The following MAP3K1 variants were observed in gnomAD, a reference collection of about 807,000 sequenced individuals.
MAP3K1 encodes mitogen-activated protein kinase kinase kinase 1.
A neutral mutation model predicts 144.2 loss-of-function variants in MAP3K1; 36 were observed. The observed-to-expected ratio is 0.25, with a 90% CI of 0.19 to 0.33. The LOEUF is 0.33. MAP3K1 is among the 10% of genes least tolerant of loss of function. The pLI is 1.00. For synonymous variants in MAP3K1, 718 were observed against 688.7 expected (o/e 1.04, Z -0.67); for missense variants, 1,650 against 1,881.9 (o/e 0.88, Z 2.28).
Position 56,872,698 on chromosome 5 carries a change from A to G in MAP3K1, c.1481A>G (p.Lys494Arg). ...EPLICPLCRSKWRSHDFYSHE... is the reference protein window; with the variant it reads ...EPLICPLCRSRWRSHDFYSHE... ...TTAATATGTCCCCTTTGTAGATCTA[A>G]GTGGAGATCTCATGATTTCTACAGG... Residue 494 changes from lysine to arginine, a missense_variant, in exon 8 of 20, where the codon AAG (lysine) becomes AGG (arginine). Transcript: ENST00000399503. The G allele has an allele frequency of 5.6e-6, 9 of 1,606,260 alleles. No individual in the cohort carries two copies. Among genetic ancestry groups the G allele is most frequent in the Non-Finnish European group, 7.7e-6 (9 of 1,173,132 alleles).
At chr5:56,887,356 C>T (rs560726907) in intron 17 of MAP3K1, 22 bp from the exon 18 acceptor site, 2 of 1,613,548 alleles carry the variant, frequency 1.2e-6, no homozygotes, top group South Asian at 1.1e-5. Context: ...CATACAAGGT[C>T]ATTTGCTGTG....
At chr5:56,845,251 G>A (rs1230380410) in intron 1 of MAP3K1, among the ~76,000 whole-genome samples, 2 of 152,182 alleles carry the variant, frequency 1.3e-5, no homozygotes, top group South Asian at 2.1e-4. Flanking sequence ...GCCCTGTTGA[G>A]TTGACCACTT....
chr5:56,880,502 G>A (rs1748171841), intron 11 of MAP3K1, among the ~76,000 whole-genome samples: 1 of 152,068 alleles, frequency 6.6e-6, no homozygotes, highest in South Asian at 2.1e-4. Context: ...GCTTAACATA[G>A]GGGATATGTT....
In MAP3K1 at chr5:56,895,859, T is replaced by C; in HGVS notation, c.*2179T>C. ...ACCTCAGGTGTCCTATAGATTTTTC[T>C]TCTACCAAAGTTCACTTTCACAATG... On this transcript the variant is annotated 3_prime_UTR_variant, in exon 20 of 20. Coordinates refer to ENST00000399503, the MANE Select transcript of MAP3K1 (RefSeq NM_005921.2). 4.3e-6 allele frequency: 1 copy of C among 231,338 alleles called. No individual in the cohort carries two copies. Among genetic ancestry groups the C allele is most frequent in the South Asian group, 1.8e-4 (1 of 5,514 alleles). 14.3% of individuals were successfully genotyped at this position (231,338 alleles called of 1,614,324 possible). A position where few individuals can be genotyped will look rare whatever the true frequency, so the allele number is the denominator to read the frequency against.
At chr5:56,882,946 G>A (rs771898455) in intron 14 of MAP3K1, 80 bp downstream of exon 14, 47 of 1,152,242 alleles carry the variant, frequency 4.1e-5, no homozygotes, top group Non-Finnish European at 5.6e-5. Context: ...TCCAGCACTT[G>A]GGGAGGCTGA....
intron 10 of MAP3K1, among the ~76,000 whole-genome samples, chr5:56,875,692 C>T (rs1748003493): frequency 6.7e-6 from 1 of 150,014 alleles, no homozygotes; most frequent in South Asian, 2.1e-4. Context: ...GCTGCTAAAG[C>T]CTAAAACAAA....
chr5:56,817,867 ATGT>A (rs1449865228), intron 1 of MAP3K1, among the ~76,000 whole-genome samples: 5 of 152,218 alleles, frequency 3.3e-5, no homozygotes, highest in African/African-American at 1.2e-4. Flanking sequence ...AAATTGTTTA[ATGT>A]TGTCTCTTGA....
Position 56,895,392 on chromosome 5 carries a change from A to C in MAP3K1, c.*1712A>C, listed in dbSNP as rs1354246905. ...TTTTTTTTTTTTTTTGACTACTTAGAATTTTCACAATTCTAATAAGATTGT... is the reference window on the plus strand; with the variant it reads ...TTTTTTTTTTTTTTTGACTACTTAGCATTTTCACAATTCTAATAAGATTGT... On this transcript the variant is annotated 3_prime_UTR_variant, in exon 20 of 20. Coordinates refer to ENST00000399503, the MANE Select transcript of MAP3K1 (RefSeq NM_005921.2). 1 of 227,368 alleles carries C rather than the reference A, an allele frequency of 4.4e-6. No homozygotes were observed. The highest frequency in any genetic ancestry group is 6.2e-5 in the East Asian group (1 of 16,156). The allele number at this position is 227,368 out of a possible 1,614,324, so 14.1% of individuals were successfully genotyped here. A position where few individuals can be genotyped will look rare whatever the true frequency, so the allele number is the denominator to read the frequency against.
Position 56,882,449 on chromosome 5 carries a change from T to A in MAP3K1, c.3249T>A (p.Leu1083=). The part of the protein sequence containing the change: ...QGDPSKNSMT[L]DLNSSSKCDD... ...ATCCCTCAAAAAATAGCATGACACT[T>A]GATCTGAACAGTAGTTCCAAATGTG... The change falls in exon 14 of 20, where the codon CTT becomes CTA. Residue 1083 remains leucine, a synonymous_variant. Coordinates refer to ENST00000399503, the MANE Select transcript of MAP3K1 (RefSeq NM_005921.2). 6.2e-7 allele frequency: 1 copy of A among 1,614,158 alleles called. No individual in the cohort carries two copies. The highest frequency in any genetic ancestry group is 8.5e-7 in the Non-Finnish European group (1 of 1,180,030).
intron 1 of MAP3K1, among the ~76,000 whole-genome samples, chr5:56,844,621 T>G (rs1448164012): frequency 6.6e-6 from 1 of 152,312 alleles, no homozygotes; most frequent in South Asian, 2.1e-4. Context: ...TAGATAAAAT[T>G]AAGGATGGAG....
chr5:56,816,142 C>G lies in MAP3K1; in HGVS notation c.482+87C>G, dbSNP rs1271409303. The G allele has an allele frequency of 3.5e-6, 4 of 1,134,892 alleles. No individual in the cohort carries two copies. In the East Asian group the frequency reaches 1.2e-4, roughly 33 times the overall value. The allele number at this position is 1,134,892 out of a possible 1,614,324, so 70.3% of individuals were successfully genotyped here. A position where few individuals can be genotyped will look rare whatever the true frequency, so the allele number is the denominator to read the frequency against. The stretch of plus-strand genomic sequence containing the variant: ...ACCCCGGGCACCATGCACGGCGTCC[C>G]GGGGTTCAGCGCAGCGAGGCTACGC... On this transcript the variant is annotated intron_variant, in intron 1 of 19. Coordinates refer to ENST00000399503, the MANE Select transcript of MAP3K1 (RefSeq NM_005921.2).
intron 1 of MAP3K1, among the ~76,000 whole-genome samples, chr5:56,850,374 A>C (rs1747132429): frequency 6.6e-6 from 1 of 152,160 alleles, no homozygotes; most frequent in Non-Finnish European, 1.5e-5. Context: ...ATTTATACCT[A>C]AGGTTAAATC....
rs140974717 is a variant in MAP3K1, at chr5:56,838,943, T to C, written c.483-17657T>C. Among the ~76,000 whole-genome samples, 997 of 152,300 alleles carry C rather than the reference T, an allele frequency of 6.5e-3. 7 individuals carry two copies. The highest frequency in any genetic ancestry group is 0.023 in the African/African-American group (953 of 41,564). On this transcript the variant is annotated intron_variant, in intron 1 of 19. Transcript: ENST00000399503. Reference sequence around the variant, plus strand: ...CTAGGAGCAAATGGCTGGGAGGAAATGAACTATTCCAAAAAATAATTGAAG... The same window carrying C: ...CTAGGAGCAAATGGCTGGGAGGAAACGAACTATTCCAAAAAATAATTGAAG...
chr5:56,881,791 A>C lies in MAP3K1; in HGVS notation c.2591A>C (p.Glu864Ala), dbSNP rs1463150926. The stretch of plus-strand genomic sequence containing the variant: ...TTGATGGCTATTGCAGATGAGGTGG[A>C]AATTGCCGAAGCCATCCAGTTGGGC... The part of the protein sequence containing the change: ...RRLMAIADEV[E>A]IAEAIQLGVE... Residue 864 changes from glutamate to alanine, a missense_variant, in exon 14 of 20, where the codon GAA becomes GCA. By Grantham distance (107) the Glu-to-Ala change is moderately radical. Transcript: ENST00000399503. 2 of 1,614,150 alleles carry C rather than the reference A, an allele frequency of 1.2e-6. No homozygotes were observed. Among genetic ancestry groups the C allele is most frequent in the Non-Finnish European group, 1.7e-6 (2 of 1,180,014 alleles).
At chr5:56,859,971 A>C in intron 3 of MAP3K1, 56 bp downstream of exon 3, 1 of 1,411,448 alleles carries the variant, frequency 7.1e-7, no homozygotes, top group South Asian at 1.2e-5. Context: ...CTTCATTTAT[A>C]ACAAAGAAAA....
intron 1 of MAP3K1, among the ~76,000 whole-genome samples, chr5:56,831,036 C>T (rs1746472733): frequency 6.6e-6 from 1 of 151,906 alleles, no homozygotes; most frequent in Non-Finnish European, 1.5e-5. Flanking sequence ...AATGTTAATT[C>T]ATTCCCATAT....
chr5:56,860,062 G>T, intron 3 of MAP3K1, 147 bp downstream of exon 3: 1 of 749,104 alleles, frequency 1.3e-6, no homozygotes, highest in South Asian at 1.6e-5. Context: ...TGGTTCCTGA[G>T]ACCCTTTCTG....
In MAP3K1 at chr5:56,880,767, G is replaced by A. The variant is rs1748181109; in HGVS notation, c.2144G>A (p.Gly715Glu). ...TLLELCKGQA[G>E]ELAVGREILK... ...TTGGAACTGTGCAAAGGCCAAGCAG[G>A]AGAGTTGGCAGTTGGCAGAGAAATA... The change falls in exon 12 of 20, where the codon GGA becomes GAA. Residue 715 changes from glycine (G) to glutamate (E), a missense_variant. By Grantham distance (98) the Gly-to-Glu change is moderately conservative (BLOSUM62 -2). Transcript: ENST00000399503. 6.2e-7 allele frequency: 1 copy of A among 1,613,784 alleles called. No homozygotes were observed. The highest frequency in any genetic ancestry group is 8.5e-7 in the Non-Finnish European group (1 of 1,179,778).
chr5:56,860,245 A>G (rs1308645177), intron 3 of MAP3K1, among the ~76,000 whole-genome samples: 1 of 152,236 alleles, frequency 6.6e-6, no homozygotes, highest in Admixed American at 6.5e-5. Flanking sequence ...AAAGAAAAAA[A>G]TGCCAGTTAC....
Sources: gnomAD v4.1 joint callset for allele counts (sites outside exome capture counted in the v4.1 genomes callset) on GRCh38, gnomAD v4.1.1 for gene constraint, MANE v1.5 for transcripts, NCBI Gene and HGNC (gene_info 2026-07-23, HGNC 2026-07-21) for gene names.